Variants in FNDC3B observed in about 807,000 individuals in gnomAD.
FNDC3B encodes fibronectin type III domain-containing protein 3B.
A neutral mutation model predicts 151.5 loss-of-function variants in FNDC3B; 12 were observed. The observed-to-expected ratio is 0.08, with a 90% CI of 0.05 to 0.13. FNDC3B has a LOEUF of 0.13. FNDC3B is among the 10% of genes least tolerant of loss of function. The probability of loss-of-function intolerance (pLI) is 1.00; values close to 1 mark genes in which losing one functional copy is unlikely to be tolerated. For missense variants in FNDC3B, 1,214 were observed against 1,505.3 expected (o/e 0.81, Z 3.20); for synonymous variants, 528 against 549.0 (o/e 0.96, Z 0.54).
intron 1 of FNDC3B, among the ~76,000 whole-genome samples, chr3:172,084,617 G>A (rs565920808): frequency 3.9e-5 from 6 of 152,270 alleles, no homozygotes; most frequent in East Asian, 1.9e-4. Flanking sequence ...TGTCTTCAAC[G>A]TAAGTTGGGG....
chr3:172,356,638 G>A (rs1481266701), intron 22 of FNDC3B, among the ~76,000 whole-genome samples: 1 of 152,144 alleles, frequency 6.6e-6, no homozygotes, highest in African/African-American at 2.4e-5. Flanking sequence ...CTTGGTGGGA[G>A]GCCAGTTCCG....
At chr3:172,309,053 T>C (rs1204941655) in intron 10 of FNDC3B, among the ~76,000 whole-genome samples, 2 of 152,230 alleles carry the variant, frequency 1.3e-5, no homozygotes, top group Non-Finnish European at 2.9e-5. Context: ...AATTTTCTTA[T>C]TAGGAGGAAA....
Position 172,346,360 on chromosome 3 carries a change from A to G in FNDC3B, c.2284A>G (p.Thr762Ala), listed in dbSNP as rs1364877921. The G allele has an allele frequency of 6.2e-7, 1 of 1,613,322 alleles. No individual in the cohort carries two copies. Among genetic ancestry groups the G allele is most frequent in the East Asian group, 2.2e-5 (1 of 44,848 alleles). ...GPYSDVSEIT[T>A]AAGPPGQCKA... ...CTATTCTGATGTCTCAGAAATTACC[A>G]CTGCTGCAGGGCCTCCTGGACAATG... The change falls in exon 20 of 26, where the codon ACT becomes GCT. Residue 762 changes from threonine to alanine, a missense_variant. Around this residue, in one of 7 missense-constraint regions of FNDC3B, gnomAD observed 380 missense variants for 420.9 expected, o/e 0.90. Transcript: ENST00000415807.
intron 25 of FNDC3B, among the ~76,000 whole-genome samples, chr3:172,396,344 T>C (rs1405646703): frequency 6.6e-6 from 1 of 151,952 alleles, no homozygotes; most frequent in African/African-American, 2.4e-5. Context: ...GGGGTGGAGG[T>C]GGGATATCTT....
At chr3:172,076,667 T>C (rs1718026295) in intron 1 of FNDC3B, among the ~76,000 whole-genome samples, 1 of 118,964 alleles carries the variant, frequency 8.4e-6, no homozygotes, top group Non-Finnish European at 1.9e-5. Context: ...ATGATCAAAA[T>C]ACAGAAATAT....
intron 6 of FNDC3B, among the ~76,000 whole-genome samples, chr3:172,272,342 C>CGG (rs1729237912): frequency 6.6e-6 from 1 of 152,006 alleles, no homozygotes; most frequent in African/African-American, 2.4e-5. Flanking sequence ...CTATAAGGAC[C>CGG]TCCCGTTATG....
intron 11 of FNDC3B, among the ~76,000 whole-genome samples, chr3:172,316,831 T>G (rs769920682): frequency 7.2e-5 from 11 of 152,264 alleles, no homozygotes; most frequent in Non-Finnish European, 1.2e-4. Flanking sequence ...ATCCATTTTG[T>G]GCTGCTGTAA....
chr3:172,242,360 G>A (rs1033807902), intron 4 of FNDC3B, among the ~76,000 whole-genome samples: 21 of 151,956 alleles, frequency 1.4e-4, no homozygotes, highest in African/African-American at 4.8e-4. Context: ...TTTCCCTTCT[G>A]CCCTACCCTA....
At chr3:172,269,737 C>T (rs1218650543) in intron 6 of FNDC3B, among the ~76,000 whole-genome samples, 3 of 152,018 alleles carry the variant, frequency 2.0e-5, no homozygotes, top group Non-Finnish European at 2.9e-5. Context: ...CTCCACCTCT[C>T]GGGTTCAAGC....
At chr3:172,365,965 T>C (rs1324656199) in intron 23 of FNDC3B, among the ~76,000 whole-genome samples, 2 of 152,250 alleles carry the variant, frequency 1.3e-5, no homozygotes, top group Admixed American at 6.5e-5. Context: ...ATCTCTGATA[T>C]CTTTTCACCT....
chr3:172,096,035 A>C (rs1210456425), intron 1 of FNDC3B, among the ~76,000 whole-genome samples: 1 of 152,222 alleles, frequency 6.6e-6, no homozygotes, highest in African/African-American at 2.4e-5. Context: ...TTGTTCTAAA[A>C]TATCTTAAGC....
intron 1 of FNDC3B, among the ~76,000 whole-genome samples, chr3:172,105,925 A>G (rs1245117306): frequency 1.3e-5 from 2 of 152,260 alleles, no homozygotes; most frequent in Non-Finnish European, 2.9e-5. Context: ...ACAAGCATGT[A>G]GCAAGCAAAA....
rs891070130 is a variant in FNDC3B, at chr3:172,310,843, G to A, written c.1216G>A (p.Gly406Ser). ...TTTTTTTTAGGCACCAATTGACAAC[G>A]GTTCAAAAATCACCAACTACCTTTT... is the stretch of plus-strand genomic sequence containing the variant. ...TLQWKAPIDNGSKITNYLLEW... is the reference protein window; with the variant it reads ...TLQWKAPIDNSSKITNYLLEW... Residue 406 changes from glycine to serine, a missense_variant, in exon 11 of 26, where the codon GGT (glycine) becomes AGT (serine). This residue lies in a region of FNDC3B where 156 missense variants were observed against 225.3 expected (regional missense o/e 0.69). Coordinates refer to ENST00000415807, the MANE Select transcript of FNDC3B (RefSeq NM_022763.4). 4 of 1,612,030 alleles carry A rather than the reference G, an allele frequency of 2.5e-6. No homozygotes were observed. The highest frequency in any genetic ancestry group is 3.4e-6 in the Non-Finnish European group (4 of 1,178,166).
intron 3 of FNDC3B, among the ~76,000 whole-genome samples, chr3:172,205,811 A>G (rs1036913260): frequency 6.6e-6 from 1 of 152,150 alleles, no homozygotes; most frequent in African/African-American, 2.4e-5. Flanking sequence ...TTTGTCACAG[A>G]AAGAAGTTCC....
intron 4 of FNDC3B, among the ~76,000 whole-genome samples, chr3:172,239,856 C>CTTTT (rs71179981): frequency 0.015 from 752 of 49,924 alleles, 140 homozygotes; most frequent in Middle Eastern, 0.048. Flanking sequence ...CATTTTAGTT[C>CTTTT]TTTTTTTTTT....
chr3:172,256,061 G>T (rs1446200612), intron 6 of FNDC3B, among the ~76,000 whole-genome samples: 7 of 152,304 alleles, frequency 4.6e-5, no homozygotes, highest in Non-Finnish European at 1.5e-5. Flanking sequence ...CCTTCCTTGA[G>T]AACCTTTGTG....
intron 6 of FNDC3B, among the ~76,000 whole-genome samples, chr3:172,263,100 T>TAC (rs1728739120): frequency 6.7e-6 from 1 of 149,838 alleles, no homozygotes; most frequent in African/African-American, 2.4e-5. Flanking sequence ...TAAATATATA[T>TAC]ATATATATAT....
intron 25 of FNDC3B, among the ~76,000 whole-genome samples, chr3:172,383,084 A>T (rs543516725): frequency 6.6e-6 from 1 of 152,304 alleles, no homozygotes; most frequent in South Asian, 2.1e-4. Context: ...CACGATATTG[A>T]TTCTTCCTAT....
At chr3:172,379,847 T>G (rs1356797467) in intron 24 of FNDC3B, among the ~76,000 whole-genome samples, 1 of 152,188 alleles carries the variant, frequency 6.6e-6, no homozygotes, top group Non-Finnish European at 1.5e-5. Flanking sequence ...TTACAAAAAA[T>G]ACAATGGCAC....
Sources: gnomAD v4.1 joint callset for allele counts (sites outside exome capture counted in the v4.1 genomes callset) on GRCh38, gnomAD v4.1.1 for gene constraint, gnomAD v4.1.1 regional missense constraint, MANE v1.5 for transcripts, NCBI Gene and HGNC (gene_info 2026-07-23, HGNC 2026-07-21) for gene names.